The following GRIK4 variants were observed in gnomAD, a reference collection of about 807,000 sequenced individuals.
The protein encoded by GRIK4 is glutamate receptor ionotropic, kainate 4.
A neutral mutation model predicts 104.9 loss-of-function variants in GRIK4; 40 were observed. The observed-to-expected ratio is 0.38, with a 90% CI of 0.30 to 0.50. GRIK4 has a LOEUF of 0.50. Ranked by LOEUF, GRIK4 falls within the 20% of genes least tolerant of loss-of-function variation. The probability of loss-of-function intolerance (pLI) is 0.93; values close to 1 mark genes in which losing one functional copy is unlikely to be tolerated. For missense variants in GRIK4, 1,047 were observed against 1,308.1 expected, an observed-to-expected ratio of 0.80 and a Z score of 3.08; for synonymous variants, 485 against 524.9, an observed-to-expected ratio of 0.92 and a Z score of 1.04.
intron 4 of GRIK4, among the ~76,000 whole-genome samples, chr11:120,812,448 G>A (rs959623493): frequency 2.6e-5 from 4 of 152,132 alleles, no homozygotes; most frequent in African/African-American, 9.7e-5. Context: ...TAGAAGTGTG[G>A]AGATCCAACC....
intron 1 of GRIK4, among the ~76,000 whole-genome samples, chr11:120,526,251 G>T (rs1947854537): frequency 6.6e-6 from 1 of 152,102 alleles, no homozygotes; most frequent in African/African-American, 2.4e-5. Flanking sequence ...GCCCAGGCTG[G>T]AGTGCGGTGG....
intron 1 of GRIK4, among the ~76,000 whole-genome samples, chr11:120,602,081 C>T (rs929850584): frequency 2.6e-5 from 4 of 151,982 alleles, no homozygotes; most frequent in African/African-American, 7.3e-5. Context: ...CCAGGTACCC[C>T]GGGGCTGCCT....
At chr11:120,647,984 C>A (rs1228066293) in intron 1 of GRIK4, among the ~76,000 whole-genome samples, 1 of 152,146 alleles carries the variant, frequency 6.6e-6, no homozygotes, top group East Asian at 1.9e-4. Flanking sequence ...TGTGGCAGCC[C>A]CCTGTTGGAG....
chr11:120,744,308 T>C (rs887433888), intron 3 of GRIK4, among the ~76,000 whole-genome samples: 4 of 152,126 alleles, frequency 2.6e-5, no homozygotes, highest in Non-Finnish European at 4.4e-5. Context: ...GGCTTCTTTT[T>C]TCCCCCCGGG....
rs767709188 is a variant in GRIK4, at chr11:120,940,459, T to G, written c.1589T>G (p.Met530Arg). The G allele has an allele frequency of 7.2e-6, 11 of 1,535,836 alleles. No individual in the cohort carries two copies. The highest frequency in any genetic ancestry group is 9.9e-6 in the Non-Finnish European group (11 of 1,109,402). The change falls in exon 14 of 21, where the codon ATG becomes AGG. Residue 530 changes from methionine (M) to arginine (R), a missense_variant and splice_region_variant. By Grantham distance (91) the Met-to-Arg change is moderately conservative (BLOSUM62 -1). Around this residue, in one of 3 missense-constraint regions of GRIK4, gnomAD observed 440 missense variants for 652.3 expected, o/e 0.67. Coordinates refer to ENST00000527524, the MANE Select transcript of GRIK4 (RefSeq NM_014619.5). This position sits in a 1 kb window ranked among gnomAD's most constrained non-coding sequence, Gnocchi z 4.3. ...ATTAGCATTCTTTACCGCGTTCATA[T>G]GGTAAGAGACTTATTTTATAAGCAT... is the stretch of plus-strand genomic sequence containing the variant. ...LGISILYRVH[M>R]GRKPGYFSFL...
At chr11:120,528,066 C>T (rs1052429944) in intron 1 of GRIK4, among the ~76,000 whole-genome samples, 12 of 152,230 alleles carry the variant, frequency 7.9e-5, no homozygotes, top group Admixed American at 2.6e-4. Context: ...CGGGCTCAGC[C>T]GGTCCTCCCA....
chr11:120,684,834 C>T (rs767047499), intron 3 of GRIK4, among the ~76,000 whole-genome samples: 2 of 152,188 alleles, frequency 1.3e-5, no homozygotes, highest in African/African-American at 2.4e-5. Flanking sequence ...CCTCAGCCTC[C>T]GAGTAGCTGG....
At chr11:120,757,820 C>T (rs1951678944) in intron 3 of GRIK4, among the ~76,000 whole-genome samples, 1 of 152,154 alleles carries the variant, frequency 6.6e-6, no homozygotes. Flanking sequence ...GGCAGGATCA[C>T]TCCGTTCCCA....
intron 2 of GRIK4, among the ~76,000 whole-genome samples, chr11:120,656,717 G>T (rs1244869326): frequency 6.6e-6 from 1 of 152,178 alleles, no homozygotes; most frequent in Admixed American, 6.5e-5. Flanking sequence ...AGCCAGGCTT[G>T]GTGGTGGGCA....
intron 11 of GRIK4, among the ~76,000 whole-genome samples, chr11:120,892,527 G>T (rs1955334641): frequency 6.6e-6 from 1 of 152,120 alleles, no homozygotes; most frequent in Admixed American, 6.5e-5. Context: ...CTTGCTCAGG[G>T]TCACCCACCT....
At position 120,954,829 on chromosome 11, in the gene GRIK4, ACAAAC is replaced by A. The variant is rs963956437; in HGVS notation, c.1700+1866_1700+1870del. 6.7e-3 allele frequency among the ~76,000 whole-genome samples: 25 copies of A among 3,736 alleles called. 1 individual carries two copies. Among genetic ancestry groups the A allele is most frequent in the Admixed American group, 0.041 (15 of 364 alleles). The allele number at this position is 3,736 out of a possible 152,430, so 2.5% of individuals were successfully genotyped here. A position where few individuals can be genotyped will look rare whatever the true frequency, so the allele number is the denominator to read the frequency against. On this transcript the variant is annotated intron_variant, in intron 15 of 20. Transcript: ENST00000527524. ...CACACACACACACACACACACACAC[ACAAAC>A]AATACTGGAGTCTAGGGTATTCTGT...
intron 8 of GRIK4, among the ~76,000 whole-genome samples, chr11:120,846,474 T>G (rs180751753): frequency 1.3e-5 from 2 of 152,304 alleles, no homozygotes; most frequent in East Asian, 3.9e-4. Flanking sequence ...ATGGCTTCCC[T>G]TACTGAAGCA....
chr11:120,940,390 G>T lies in GRIK4; in HGVS notation c.1520G>T (p.Arg507Leu). The T allele has an allele frequency of 1.2e-6, 2 of 1,613,824 alleles. No homozygotes were observed. The highest frequency in any genetic ancestry group is 1.7e-6 in the Non-Finnish European group (2 of 1,179,738). Residue 507 changes from arginine (R) to leucine (L), a missense_variant, in exon 14 of 21, where the codon CGG becomes CTG. By Grantham distance (102) the Arg-to-Leu change is moderately radical (BLOSUM62 -2). This residue lies in a region of GRIK4 where 440 missense variants were observed against 652.3 expected (regional missense o/e 0.67). Transcript: ENST00000527524. This position sits in a 1 kb window ranked among gnomAD's most constrained non-coding sequence, Gnocchi z 4.3. ...AVAGLTITAE[R>L]EKVIDFSKPF... ...GCAGGCCTCACCATTACAGCTGAAC[G>T]GGAGAAGGTGATTGATTTCTCTAAG...
intron 3 of GRIK4, among the ~76,000 whole-genome samples, chr11:120,708,856 C>G (rs1408084442): frequency 6.6e-6 from 1 of 152,162 alleles, no homozygotes; most frequent in Non-Finnish European, 1.5e-5. Context: ...ACCTCTTACC[C>G]CCTCCCGTGC....
chr11:120,833,421 G>A (rs767544706), intron 7 of GRIK4, among the ~76,000 whole-genome samples: 2 of 152,148 alleles, frequency 1.3e-5, no homozygotes, highest in Admixed American at 6.5e-5. Flanking sequence ...CAAGTTTCAC[G>A]AGAGGAGAGG....
At chr11:120,774,282 G>A (rs1164597173) in intron 3 of GRIK4, among the ~76,000 whole-genome samples, 2 of 152,200 alleles carry the variant, frequency 1.3e-5, no homozygotes, top group Non-Finnish European at 1.5e-5. Flanking sequence ...TTTAGGGTTA[G>A]AGAGCTGTGT....
chr11:120,660,452 C>G, intron 3 of GRIK4, 52 bp downstream of exon 3: 1 of 1,366,054 alleles, frequency 7.3e-7, no homozygotes. Flanking sequence ...CCCAGGTGTC[C>G]ACAAGGGACA....
At chr11:120,638,927 C>T (rs1031446126) in intron 1 of GRIK4, among the ~76,000 whole-genome samples, 3 of 151,948 alleles carry the variant, frequency 2.0e-5, no homozygotes, top group Non-Finnish European at 4.4e-5. Flanking sequence ...AATCCCACGC[C>T]TGATCATGCC....
rs1942947336 is a variant in GRIK4, at chr11:120,909,579, A to G, written c.1476+4086A>G. Reference sequence around the variant, plus strand: ...AGAATGTGTACAAGGATGAGGTGCCAGGGTATGTATGGACAGGGCTGCCCA... The same window carrying G: ...AGAATGTGTACAAGGATGAGGTGCCGGGGTATGTATGGACAGGGCTGCCCA... On this transcript the variant is annotated intron_variant, in intron 13 of 20. Coordinates refer to ENST00000527524, the MANE Select transcript of GRIK4 (RefSeq NM_014619.5). 2.6e-5 allele frequency among the ~76,000 whole-genome samples: 4 copies of G among 152,322 alleles called. No individual in the cohort carries two copies. In the South Asian group the frequency reaches 8.3e-4, roughly 32 times the overall value.
Sources: gnomAD v4.1 joint callset for allele counts (sites outside exome capture counted in the v4.1 genomes callset) on GRCh38, gnomAD v4.1.1 for gene constraint, gnomAD v4.1.1 regional missense constraint, Gnocchi (gnomAD v3.1) non-coding constraint, MANE v1.5 for transcripts, NCBI Gene and HGNC (gene_info 2026-07-23, HGNC 2026-07-21) for gene names.